Variants in AP2B1 observed in about 807,000 individuals in gnomAD.
AP2B1 encodes the protein AP-2 complex subunit beta.
AP2B1 carries 23 observed loss-of-function variants against 102.0 expected under a neutral mutation model. The ratio of observed to expected loss-of-function variants is 0.23; its 90% CI spans 0.16 to 0.32. The LOEUF is 0.32. Ranked by LOEUF, AP2B1 falls within the 10% of genes least tolerant of loss-of-function variation. AP2B1 has a pLI of 1.00. For synonymous variants in AP2B1, 381 were observed against 421.2 expected (o/e 0.90, Z 1.17); for missense variants, 541 against 1,157.4 (o/e 0.47, Z 7.73).
chr17:35,638,650 G>A (rs1262730329), intron 10 of AP2B1, among the ~76,000 whole-genome samples: 6 of 151,990 alleles, frequency 3.9e-5, no homozygotes, highest in Non-Finnish European at 8.8e-5. Context: ...TTAGCCAGGC[G>A]TGGTGGCGGG....
rs184009209 is a variant in AP2B1 at position 35,615,071 on chromosome 17, G to A, written c.525+6684G>A. ...CCTTCAGTGTACAGGACAGTCCCCC[G>A]ACAACAAAGAATTATCCAGCAGTAA... On this transcript the variant is annotated intron_variant, in intron 5 of 21. Transcript: ENST00000610402. Among the ~76,000 whole-genome samples, 49 of 152,166 alleles carry A rather than the reference G, an allele frequency of 3.2e-4. 1 individual carries two copies. Among genetic ancestry groups the A allele is most frequent in the Admixed American group, 1.8e-3 (27 of 15,290 alleles).
Position 35,639,580 on chromosome 17 carries a change from A to G in AP2B1, c.1272-15A>G, listed in dbSNP as rs533273515. On this transcript the variant is annotated splice_polypyrimidine_tract_variant and intron_variant, in intron 10 of 21. Coordinates refer to ENST00000610402, the MANE Select transcript of AP2B1 (RefSeq NM_001030006.2). ...GTTTTGCCCTCAATAACCATAGTTC[A>G]TTTTTTTTCATCAGGTATGAAAGTA... The G allele has an allele frequency of 1.4e-5, 22 of 1,596,196 alleles. No individual in the cohort carries two copies. Among genetic ancestry groups the G allele is most frequent in the Non-Finnish European group, 1.7e-5 (20 of 1,173,296 alleles).
chr17:35,642,645 G>A (rs553535890), intron 12 of AP2B1, among the ~76,000 whole-genome samples: 23 of 152,204 alleles, frequency 1.5e-4, no homozygotes, highest in East Asian at 3.9e-4. Context: ...CTAACAGGCC[G>A]GCTTTTTAGC....
intron 2 of AP2B1, among the ~76,000 whole-genome samples, chr17:35,594,704 C>T (rs2073207879): frequency 6.6e-6 from 1 of 152,122 alleles, no homozygotes; most frequent in Admixed American, 6.5e-5. Flanking sequence ...ATCTCTAGAG[C>T]CATCTATGGT....
intron 19 of AP2B1, 62 bp from the exon 20 acceptor site, chr17:35,710,172 T>C: frequency 1.6e-6 from 2 of 1,212,986 alleles, no homozygotes; most frequent in Non-Finnish European, 2.4e-6. Context: ...ATGCAAGGCA[T>C]CGAAAATCAG....
At chr17:35,642,027 G>C (rs566637364) in intron 12 of AP2B1, 52 bp downstream of exon 12, 70 of 1,403,320 alleles carry the variant, frequency 5.0e-5, no homozygotes, top group Non-Finnish European at 9.1e-6. Context: ...TCAAATTGTA[G>C]GAAATTATGA....
chr17:35,673,478 C>T (rs1253807727), intron 16 of AP2B1, among the ~76,000 whole-genome samples: 2 of 152,112 alleles, frequency 1.3e-5, no homozygotes, highest in Non-Finnish European at 2.9e-5. Flanking sequence ...TGAGCCACCA[C>T]GCCTGGCCTT....
intron 9 of AP2B1, among the ~76,000 whole-genome samples, chr17:35,635,784 C>T (rs186831353): frequency 2.9e-4 from 44 of 152,238 alleles, no homozygotes; most frequent in African/African-American, 1.0e-3. Context: ...GCAGCCTCCA[C>T]CTCCCAGATG....
intron 12 of AP2B1, among the ~76,000 whole-genome samples, chr17:35,648,132 C>T (rs759455130): frequency 2.0e-5 from 3 of 152,062 alleles, no homozygotes; most frequent in Non-Finnish European, 2.9e-5. Context: ...TGGAACAACT[C>T]GTGCATAAAT....
chr17:35,671,637 G>T, intron 15 of AP2B1, 117 bp from the exon 16 acceptor site: 1 of 1,022,946 alleles, frequency 9.8e-7, no homozygotes, highest in Non-Finnish European at 1.5e-6. Context: ...TAAGAATATT[G>T]TAATTATGGT....
At chr17:35,646,299 AT>A (rs1277685217) in intron 12 of AP2B1, among the ~76,000 whole-genome samples, 1 of 152,148 alleles carries the variant, frequency 6.6e-6, no homozygotes, top group East Asian at 1.9e-4. Context: ...GACGGTCTGA[AT>A]TACTGTGGCC....
At chr17:35,680,686 G>GTTTTTTTTTTTTTTTTTTTTTTT (rs1167550201) in intron 17 of AP2B1, among the ~76,000 whole-genome samples, 3 of 59,930 alleles carry the variant, frequency 5.0e-5, no homozygotes, top group Non-Finnish European at 1.0e-4. Context: ...TATGGTTTTG[G>GTTTTTTTTTTTTTTTTTTTTTTT]TTTTTTTTTT....
intron 1 of AP2B1, among the ~76,000 whole-genome samples, chr17:35,593,221 C>G (rs1455588672): frequency 2.0e-5 from 3 of 151,902 alleles, no homozygotes; most frequent in Admixed American, 2.0e-4. Flanking sequence ...TGAATAAGAT[C>G]TAGTATTTGA....
chr17:35,636,229 G>C, intron 9 of AP2B1, 112 bp from the exon 10 acceptor site: 1 of 653,464 alleles, frequency 1.5e-6, no homozygotes, highest in Non-Finnish European at 2.7e-6. Flanking sequence ...TTAAGTGCCT[G>C]ATCATTTAGT....
At chr17:35,689,555 C>A (rs143165214) in intron 18 of AP2B1, among the ~76,000 whole-genome samples, 1 of 152,186 alleles carries the variant, frequency 6.6e-6, no homozygotes, top group Non-Finnish European at 1.5e-5. Context: ...TCCTTAATAT[C>A]ACATATCGAA....
rs868033114 is a variant in AP2B1, at chr17:35,645,584, T to G, written c.1536+3609T>G. ...ACAAACAAAGGCCGGGCATGGTGGC[T>G]TATGCCTGTAATCCCAGCACTTTGG... On this transcript the variant is annotated intron_variant, in intron 12 of 21. Transcript: ENST00000610402. Among the ~76,000 whole-genome samples the G allele has an allele frequency of 2.6e-5, 4 of 152,288 alleles. No homozygotes were observed. The Middle Eastern group carries it at 0.014, about 518-fold the overall frequency.
intron 1 of AP2B1, among the ~76,000 whole-genome samples, chr17:35,591,873 A>G (rs1048117577): frequency 2.0e-5 from 3 of 152,244 alleles, no homozygotes; most frequent in East Asian, 3.8e-4. Flanking sequence ...TTTTAATTAT[A>G]ACAAGTATTA....
At chr17:35,647,184 G>C (rs1026950242) in intron 12 of AP2B1, among the ~76,000 whole-genome samples, 2 of 152,104 alleles carry the variant, frequency 1.3e-5, no homozygotes, top group African/African-American at 2.4e-5. Flanking sequence ...AAAATTTAAC[G>C]TTTAAGTTAC....
intron 18 of AP2B1, among the ~76,000 whole-genome samples, chr17:35,689,919 G>C (rs147516564): frequency 6.6e-6 from 1 of 152,186 alleles, no homozygotes; most frequent in Non-Finnish European, 1.5e-5. Context: ...TATTATGCAT[G>C]TAGTTGTTTT....
Sources: allele counts gnomAD v4.1 joint callset (sites outside exome capture counted in the v4.1 genomes callset), GRCh38; gene constraint gnomAD v4.1.1; transcripts MANE v1.5; gene names NCBI Gene and HGNC (gene_info 2026-07-23, HGNC 2026-07-21).